LTBP2: variants seen among roughly 807,000 people sequenced by gnomAD.
LTBP2 encodes the protein latent-transforming growth factor beta-binding protein 2.
Under a neutral mutation model 210.6 loss-of-function variants are expected in LTBP2, and 103 were observed. The ratio of observed to expected loss-of-function variants is 0.49; its 90% CI spans 0.42 to 0.58. LTBP2 has a LOEUF of 0.58. Ranked by LOEUF, LTBP2 falls within the 20% of genes least tolerant of loss-of-function variation. The pLI, the probability that LTBP2 is intolerant of heterozygous loss-of-function variation, is 0.00. For missense variants in LTBP2, 2,313 were observed against 2,494.5 expected (o/e 0.93, Z 1.55); for synonymous variants, 1,007 against 1,015.0 (o/e 0.99, Z 0.15).
intron 18 of LTBP2, 45 bp from the exon 19 acceptor site, chr14:74,511,409 C>T (rs773522344): frequency 4.1e-5 from 66 of 1,612,760 alleles, no homozygotes; most frequent in Non-Finnish European, 5.3e-5. Flanking sequence ...GGGAACATAG[C>T]AAATGGGTAG....
intron 3 of LTBP2, among the ~76,000 whole-genome samples, chr14:74,578,542 C>A (rs1261588833): frequency 6.6e-6 from 1 of 152,176 alleles, no homozygotes; most frequent in African/African-American, 2.4e-5. Flanking sequence ...ACTCATGTCC[C>A]CTCATCCAGC....
At chr14:74,570,185 A>G (rs1380921690) in intron 3 of LTBP2, among the ~76,000 whole-genome samples, 2 of 152,170 alleles carry the variant, frequency 1.3e-5, no homozygotes, top group Admixed American at 1.3e-4. Flanking sequence ...CAAACCTGGT[A>G]TACAAACATC....
In LTBP2 at chr14:74,610,576, G is replaced by A. The variant is rs112573672; in HGVS notation, c.494+875C>T. ...AGCCCCTCACTGCCCAGGGCTCAGT[G>A]CCCTCCATTCCAGAGGCACCTGCCA... On this transcript the variant is annotated intron_variant, in intron 1 of 35. Coordinates refer to ENST00000261978, the MANE Select transcript of LTBP2 (RefSeq NM_000428.3). 2.0e-3 allele frequency among the ~76,000 whole-genome samples: 307 copies of A among 152,294 alleles called. 1 individual carries two copies. The highest frequency in any genetic ancestry group is 7.2e-3 in the African/African-American group (301 of 41,564).
chr14:74,588,729 C>T (rs1393727666), intron 2 of LTBP2, among the ~76,000 whole-genome samples: 1 of 152,202 alleles, frequency 6.6e-6, no homozygotes, highest in Admixed American at 6.5e-5. Context: ...CATACACGCT[C>T]TCACTGAAGC....
At chr14:74,554,722 G>A (rs1225553089) in intron 4 of LTBP2, among the ~76,000 whole-genome samples, 1 of 152,134 alleles carries the variant, frequency 6.6e-6, no homozygotes, top group East Asian at 1.9e-4. Context: ...AAATGTTGTG[G>A]AATGAAATAG....
intron 2 of LTBP2, among the ~76,000 whole-genome samples, chr14:74,596,537 T>C (rs1017792632): frequency 6.6e-6 from 1 of 151,582 alleles, no homozygotes; most frequent in Non-Finnish European, 1.5e-5. Context: ...GCTGGGTGAG[T>C]GTGGAGATGC....
chr14:74,595,813 C>T (rs910648458), intron 2 of LTBP2, among the ~76,000 whole-genome samples: 3 of 152,186 alleles, frequency 2.0e-5, no homozygotes, highest in East Asian at 1.9e-4. Context: ...TGCATTCAAA[C>T]GCACGATTTG....
At chr14:74,590,656 A>G (rs890087041) in intron 2 of LTBP2, among the ~76,000 whole-genome samples, 5 of 152,262 alleles carry the variant, frequency 3.3e-5, no homozygotes, top group African/African-American at 1.2e-4. Context: ...TTACTCAGTC[A>G]TAGAAAAGAA....
rs2139788549 is a variant in LTBP2, at chr14:74,586,193, A to G, written c.566-75T>C. On this transcript the variant is annotated intron_variant, in intron 2 of 35. Coordinates refer to ENST00000261978, the MANE Select transcript of LTBP2 (RefSeq NM_000428.3). This position sits in a 1 kb window ranked among gnomAD's most constrained non-coding sequence, Gnocchi z 4.6. ...CCACAGCTGCCCACACCTTCCTGTC[A>G]GAAGGGCCCTCCTGAGTGCTGCAAC... is the stretch of plus-strand genomic sequence containing the variant. 1 of 1,494,478 alleles carries G rather than the reference A, an allele frequency of 6.7e-7. No homozygotes were observed. The highest frequency in any genetic ancestry group is 9.0e-7 in the Non-Finnish European group (1 of 1,105,426). 92.6% of individuals were successfully genotyped at this position (1,494,478 alleles called of 1,614,324 possible).
chr14:74,536,284 T>C (rs998883934), intron 8 of LTBP2, among the ~76,000 whole-genome samples: 9 of 151,910 alleles, frequency 5.9e-5, no homozygotes, highest in Admixed American at 1.3e-4. Context: ...AGCAAACCCA[T>C]AGAAGCAGAG....
intron 1 of LTBP2, among the ~76,000 whole-genome samples, chr14:74,604,669 T>TTAATA (rs915631012): frequency 5.3e-5 from 8 of 152,010 alleles, no homozygotes; most frequent in Non-Finnish European, 1.2e-4. Flanking sequence ...AAAAATATTC[T>TTAATA]TAATAGAGAT....
At chr14:74,571,602 C>A (rs1479659113) in intron 3 of LTBP2, among the ~76,000 whole-genome samples, 1 of 152,188 alleles carries the variant, frequency 6.6e-6, no homozygotes, top group Non-Finnish European at 1.5e-5. Context: ...TTTTGTGGAG[C>A]CTCTGACCTT....
intron 24 of LTBP2, 41 bp from the exon 25 acceptor site, chr14:74,508,136 C>T (rs755015791): frequency 1.7e-5 from 27 of 1,611,838 alleles, no homozygotes; most frequent in Non-Finnish European, 2.2e-5. Flanking sequence ...GCCACGGGTC[C>T]CTTCCCTGTT....
chr14:74,581,739 T>C (rs1299880233), intron 3 of LTBP2, among the ~76,000 whole-genome samples: 2 of 152,206 alleles, frequency 1.3e-5, no homozygotes, highest in Admixed American at 1.3e-4. Context: ...GTGTGACCTA[T>C]ACAACTGTAC....
At position 74,549,881 on chromosome 14, in the gene LTBP2, G is replaced by A. The variant is rs2196862; in HGVS notation, c.1771C>T (p.Pro591Ser). The A allele has an allele frequency of 1.9e-6, 3 of 1,614,014 alleles. No individual in the cohort carries two copies. The highest frequency in any genetic ancestry group is 1.7e-5 in the Admixed American group (1 of 60,022). The change falls in exon 8 of 36, where the codon CCA becomes TCA. Residue 591 changes from proline to serine, a missense_variant. By Grantham distance (74) the Pro-to-Ser change is moderately conservative (BLOSUM62 -1). Transcript: ENST00000261978. ...CACTCACCTGGTCTGGGTGGGCATG[G>A]GGCACACAAAGTCACCCCCCAGAAG... ...GAFWGVTLCA[P>S]CPPRPASPVI...
intron 8 of LTBP2, among the ~76,000 whole-genome samples, chr14:74,541,896 C>T (rs927047069): frequency 6.6e-5 from 10 of 151,646 alleles, no homozygotes; most frequent in African/African-American, 2.4e-4. Context: ...CTCATCCTAC[C>T]CCTTGTGGCT....
In LTBP2 at chr14:74,570,631, A is replaced by ATT. The variant is rs34228641; in HGVS notation, c.831-14940_831-14939dup. Among the ~76,000 whole-genome samples, 6 of 152,112 alleles carry ATT rather than the reference A, an allele frequency of 3.9e-5. No homozygotes were observed. The South Asian group carries it at 1.0e-3, about 26-fold the overall frequency. On this transcript the variant is annotated intron_variant, in intron 3 of 35. Transcript: ENST00000261978. ...TGCCAGGCCTCTGCTAAGGCATTTTATTTTTTTATTTACTTGATTAGTACA... is the reference window on the plus strand; with the variant it reads ...TGCCAGGCCTCTGCTAAGGCATTTTATTTTTTTTTATTTACTTGATTAGTACA...
At chr14:74,513,578 G>A (rs144276564) in intron 18 of LTBP2, among the ~76,000 whole-genome samples, 74 of 152,298 alleles carry the variant, frequency 4.9e-4, no homozygotes, top group Admixed American at 8.5e-4. Context: ...CAAGACAGGC[G>A]GATCATCTGA....
chr14:74,557,742 G>C (rs1031911613), intron 3 of LTBP2, among the ~76,000 whole-genome samples: 2 of 151,762 alleles, frequency 1.3e-5, no homozygotes, highest in African/African-American at 4.8e-5. Flanking sequence ...ACAGTGTCTG[G>C]ACTGTGGTGG....
Sources: gnomAD v4.1 joint callset for allele counts (sites outside exome capture counted in the v4.1 genomes callset) on GRCh38, gnomAD v4.1.1 for gene constraint, Gnocchi (gnomAD v3.1) non-coding constraint, MANE v1.5 for transcripts, NCBI Gene and HGNC (gene_info 2026-07-23, HGNC 2026-07-21) for gene names.